Variants in ANKRD12 observed in about 807,000 individuals in gnomAD.
ANKRD12 encodes ankyrin repeat domain-containing protein 12.
ANKRD12 carries 85 observed loss-of-function variants against 183.4 expected under a neutral mutation model. The observed-to-expected ratio is 0.46, with a 90% CI of 0.39 to 0.56. The LOEUF (loss-of-function observed/expected upper bound fraction) is 0.56. Among genes scored for constraint, ANKRD12 ranks in the 20% least tolerant of loss-of-function variants. The pLI is 0.00. For missense variants in ANKRD12, 2,405 were observed against 2,357.1 expected (o/e 1.02, Z -0.42); for synonymous variants, 914 against 800.2 (o/e 1.14, Z -2.40).
intron 10 of ANKRD12, among the ~76,000 whole-genome samples, chr18:9,266,883 A>G (rs552239565): frequency 3.9e-5 from 6 of 152,340 alleles, no homozygotes; most frequent in Non-Finnish European, 7.3e-5. Context: ...TCTCACGTGC[A>G]GAGACACACA....
intron 10 of ANKRD12, among the ~76,000 whole-genome samples, chr18:9,273,120 C>G (rs1397150941): frequency 1.3e-5 from 2 of 152,122 alleles, no homozygotes; most frequent in Admixed American, 1.3e-4. Flanking sequence ...GCTACAGGTC[C>G]CAGGGTTATC....
chr18:9,275,753 C>G (rs894461553), intron 11 of ANKRD12, 86 bp downstream of exon 11: 5 of 1,302,004 alleles, frequency 3.8e-6, no homozygotes, highest in African/African-American at 3.1e-5. Flanking sequence ...ATAGAAAGAA[C>G]TTGAACTCAA....
At chr18:9,192,198 T>G (rs2034496672) in intron 2 of ANKRD12, among the ~76,000 whole-genome samples, 1 of 152,176 alleles carries the variant, frequency 6.6e-6, no homozygotes, top group African/African-American at 2.4e-5. Flanking sequence ...AAACACCTTG[T>G]TTTTGAAGCT....
chr18:9,166,911 A>T (rs2032131380), intron 1 of ANKRD12, among the ~76,000 whole-genome samples: 2 of 152,174 alleles, frequency 1.3e-5, no homozygotes, highest in Non-Finnish European at 2.9e-5. Flanking sequence ...TAAGGAAGGG[A>T]TCCAGTTTCA....
chr18:9,285,418 C>A lies in ANKRD12; in HGVS notation c.*4292C>A, dbSNP rs2145548908. The A allele has an allele frequency of 1.6e-5, 2 of 128,202 alleles. No homozygotes were observed. Among genetic ancestry groups the A allele is most frequent in the African/African-American group, 3.0e-5 (1 of 33,720 alleles). The allele number at this position is 128,202 out of a possible 1,614,324, so 7.9% of individuals were successfully genotyped here. ...CCCAGCCTGGGCAACAAGAGTGAAA[C>A]TCTGTCTCCAAAAAAAAAAAAAAAA... On this transcript the variant is annotated 3_prime_UTR_variant, in exon 13 of 13. Transcript: ENST00000262126.
chr18:9,157,318 C>A (rs2030635603), intron 1 of ANKRD12, among the ~76,000 whole-genome samples: 1 of 151,748 alleles, frequency 6.6e-6, no homozygotes, highest in Non-Finnish European at 1.5e-5. Context: ...GGTTGTTTAC[C>A]CCTGTCATCG....
At chr18:9,166,789 G>GC (rs1411909373) in intron 1 of ANKRD12, among the ~76,000 whole-genome samples, 1 of 152,158 alleles carries the variant, frequency 6.6e-6, no homozygotes, top group Admixed American at 6.5e-5. Flanking sequence ...TGAAGTCCTT[G>GC]CCCATGCCTG....
At chr18:9,280,478 A>C (rs532941348) in intron 12 of ANKRD12, among the ~76,000 whole-genome samples, 10 of 152,172 alleles carry the variant, frequency 6.6e-5, no homozygotes, top group South Asian at 2.1e-4. Context: ...ATGTGTGTAC[A>C]AACAGGATAA....
chr18:9,254,585 T>C lies in ANKRD12; in HGVS notation c.1318T>C (p.Ser440Pro), dbSNP rs1260107047. 2 of 1,579,896 alleles carry C rather than the reference T, an allele frequency of 1.3e-6. No homozygotes were observed. Among genetic ancestry groups the C allele is most frequent in the Non-Finnish European group, 1.7e-6 (2 of 1,167,950 alleles). The change falls in exon 9 of 13, where the codon TCT (serine) becomes CCT (proline). Residue 440 changes from serine to proline, a missense_variant. Transcript: ENST00000262126. Reference sequence around the variant, plus strand: ...AGAAGCTCTTCAGAATAAAAAGATTTCTACTTCATGTTCCGTCATCCCTGA... The same window carrying C: ...AGAAGCTCTTCAGAATAAAAAGATTCCTACTTCATGTTCCGTCATCCCTGA... ...DEEALQNKKI[S>P]TSCSVIPETS...
In ANKRD12 at chr18:9,255,332, G is replaced by A. The variant is rs2038540527; in HGVS notation, c.2065G>A (p.Val689Met). The A allele has an allele frequency of 6.2e-7, 1 of 1,605,928 alleles. No individual in the cohort carries two copies. Among genetic ancestry groups the A allele is most frequent in the South Asian group, 1.1e-5 (1 of 88,598 alleles). ...TAGTGCCAAAGAACTGCAGAGGAGT[G>A]TGGAATTTGATAGAGAATTTTGGAA... is the stretch of plus-strand genomic sequence containing the variant. ...KDSAKELQRS[V>M]EFDREFWKEN... The change falls in exon 9 of 13, where the codon GTG (valine) becomes ATG (methionine). Residue 689 changes from valine (V) to methionine (M), a missense_variant. By Grantham distance (21) the Val-to-Met change is conservative. Coordinates refer to ENST00000262126, the MANE Select transcript of ANKRD12 (RefSeq NM_015208.5).
intron 4 of ANKRD12, among the ~76,000 whole-genome samples, chr18:9,204,975 T>A (rs935926349): frequency 6.6e-6 from 1 of 152,210 alleles, no homozygotes; most frequent in East Asian, 1.9e-4. Flanking sequence ...TGATGTTTTT[T>A]AAAAAACACA....
Position 9,255,285 on chromosome 18 carries a change from A to T in ANKRD12, c.2018A>T (p.Lys673Met). The T allele has an allele frequency of 6.3e-7, 1 of 1,576,096 alleles. No individual in the cohort carries two copies. Among genetic ancestry groups the T allele is most frequent in the Non-Finnish European group, 8.6e-7 (1 of 1,169,488 alleles). ...CATAAAAAAGAAATTGAAGGTGAAAAGGAAAAATACAAAACTAAGGATAGT... is the reference window on the plus strand; with the variant it reads ...CATAAAAAAGAAATTGAAGGTGAAATGGAAAAATACAAAACTAAGGATAGT... Reference protein sequence around the residue: ...EKHKKEIEGEKEKYKTKDSAK... With the variant: ...EKHKKEIEGEMEKYKTKDSAK... Residue 673 changes from lysine (K) to methionine (M), a missense_variant, in exon 9 of 13, where the codon AAG becomes ATG. Lys to Met is a moderately conservative substitution (Grantham distance 95, BLOSUM62 -1). This residue lies in a region of ANKRD12 where 1,983 missense variants were observed against 1,725.9 expected (regional missense o/e 1.15). Transcript: ENST00000262126.
At chr18:9,240,538 A>G (rs2037602370) in intron 8 of ANKRD12, among the ~76,000 whole-genome samples, 2 of 152,206 alleles carry the variant, frequency 1.3e-5, no homozygotes, top group South Asian at 4.1e-4. Flanking sequence ...ATTAATTGCC[A>G]AAGTAGAGGT....
rs574712619 is a variant in ANKRD12 at position 9,266,526 on chromosome 18, A to G, written c.5763+2638A>G. 2.9e-3 allele frequency among the ~76,000 whole-genome samples: 447 copies of G among 152,334 alleles called. 1 individual carries two copies. The highest frequency in any genetic ancestry group is 6.8e-3 in the Middle Eastern group (2 of 294). ...ATATCCGGCCAAACTAAGCTTCATA[A>G]GTGAAGGAGAAATAAAATACTTTAC... On this transcript the variant is annotated intron_variant, in intron 10 of 12. Transcript: ENST00000262126.
intron 1 of ANKRD12, among the ~76,000 whole-genome samples, chr18:9,162,395 G>A (rs572252943): frequency 6.6e-6 from 1 of 152,060 alleles, no homozygotes; most frequent in Non-Finnish European, 1.5e-5. Context: ...CCTTTTTATG[G>A]CTGCATAGTA....
At chr18:9,217,914 T>C (rs890673613) in intron 7 of ANKRD12, among the ~76,000 whole-genome samples, 1 of 152,186 alleles carries the variant, frequency 6.6e-6, no homozygotes, top group African/African-American at 2.4e-5. Flanking sequence ...GGTAGATGAA[T>C]GGATAACTGA....
intron 1 of ANKRD12, among the ~76,000 whole-genome samples, chr18:9,158,436 G>A (rs1181619479): frequency 2.0e-5 from 3 of 152,058 alleles, no homozygotes; most frequent in Admixed American, 6.5e-5. Context: ...CCTTGTTTTT[G>A]ATGAACTTGA....
intron 2 of ANKRD12, among the ~76,000 whole-genome samples, chr18:9,192,401 G>A (rs1598506004): frequency 6.6e-6 from 1 of 152,144 alleles, no homozygotes; most frequent in Admixed American, 6.5e-5. Flanking sequence ...AGCCCTGCTT[G>A]ATTATAATAT....
At chr18:9,145,715 A>T (rs1445258912) in intron 1 of ANKRD12, among the ~76,000 whole-genome samples, 1 of 152,238 alleles carries the variant, frequency 6.6e-6, no homozygotes, top group East Asian at 1.9e-4. Context: ...GAACAGCCAC[A>T]ATTACTAGGA....
Sources: allele counts gnomAD v4.1 joint callset (sites outside exome capture counted in the v4.1 genomes callset), GRCh38; gene constraint gnomAD v4.1.1; regional missense constraint gnomAD v4.1.1; transcripts MANE v1.5; gene names NCBI Gene and HGNC (gene_info 2026-07-23, HGNC 2026-07-21).